The following CELF4 variants were observed in gnomAD, a reference collection of about 807,000 sequenced individuals.
CELF4 encodes CUG-BP- and ETR-3-like factor 4.
Under a neutral mutation model 59.9 loss-of-function variants are expected in CELF4, and 18 were observed. That is an observed-to-expected ratio of 0.30 (90% CI 0.21 to 0.45). The LOEUF (loss-of-function observed/expected upper bound fraction) is 0.45. Ranked by LOEUF, CELF4 falls within the 20% of genes least tolerant of loss-of-function variation. CELF4 has a pLI of 1.00. For synonymous variants in CELF4, 261 were observed against 267.1 expected (o/e 0.98, Z 0.22); for missense variants, 456 against 689.0 (o/e 0.66, Z 3.79).
chr18:37,284,964 A>G (rs1257128281), intron 3 of CELF4, among the ~76,000 whole-genome samples: 1 of 152,122 alleles, frequency 6.6e-6, no homozygotes, highest in East Asian at 1.9e-4. Flanking sequence ...CAGGCAGAGG[A>G]GGGTACCGCC....
intron 3 of CELF4, among the ~76,000 whole-genome samples, chr18:37,314,730 G>A (rs555570688): frequency 6.6e-6 from 1 of 151,492 alleles, no homozygotes; most frequent in African/African-American, 2.5e-5. Context: ...TGCAGCTTGT[G>A]GGGGGAACAA....
At chr18:37,275,373 G>C (rs1417560565) in intron 3 of CELF4, 130 bp from the exon 4 acceptor site, 1 of 866,956 alleles carries the variant, frequency 1.2e-6, no homozygotes, top group South Asian at 1.8e-5. Context: ...CGGAGCCGGC[G>C]GGGGAGAGGT....
chr18:37,438,404 C>G (rs1005570287), intron 2 of CELF4, among the ~76,000 whole-genome samples: 1 of 152,092 alleles, frequency 6.6e-6, no homozygotes, highest in African/African-American at 2.4e-5. Flanking sequence ...GATCCTGTGC[C>G]CAGGATGCTG....
At chr18:37,322,529 G>A (rs2097158900) in intron 2 of CELF4, among the ~76,000 whole-genome samples, 3 of 152,190 alleles carry the variant, frequency 2.0e-5, no homozygotes, top group Non-Finnish European at 4.4e-5. Flanking sequence ...GTGCCAGGAG[G>A]ACAGGAGAGC....
intron 3 of CELF4, among the ~76,000 whole-genome samples, chr18:37,284,101 C>A (rs1440113890): frequency 2.0e-5 from 3 of 149,210 alleles, no homozygotes; most frequent in Admixed American, 6.7e-5. Flanking sequence ...ATACACACAC[C>A]AATATGCACA....
At chr18:37,502,122 C>T (rs994143935) in intron 1 of CELF4, among the ~76,000 whole-genome samples, 1 of 152,230 alleles carries the variant, frequency 6.6e-6, no homozygotes, top group East Asian at 1.9e-4. Flanking sequence ...CTAAATATAG[C>T]GGTTGAGATG....
chr18:37,521,537 G>A (rs1162934625), intron 1 of CELF4, among the ~76,000 whole-genome samples: 4 of 152,140 alleles, frequency 2.6e-5, no homozygotes, highest in Non-Finnish European at 4.4e-5. Context: ...TGTCCTCTAC[G>A]TGCACCATTA....
intron 11 of CELF4, among the ~76,000 whole-genome samples, chr18:37,257,677 C>T (rs542889383): frequency 5.3e-4 from 81 of 152,288 alleles, no homozygotes; most frequent in Admixed American, 4.6e-4. Flanking sequence ...CTCCACCACC[C>T]CCAAGCTGTG....
chr18:37,319,444 A>G (rs1192832009), intron 3 of CELF4, among the ~76,000 whole-genome samples: 1 of 152,238 alleles, frequency 6.6e-6, no homozygotes, highest in Non-Finnish European at 1.5e-5. Flanking sequence ...CCCTTCAGGC[A>G]GCCCCAAGAC....
chr18:37,526,596 A>G (rs2099964056), intron 1 of CELF4, among the ~76,000 whole-genome samples: 1 of 152,208 alleles, frequency 6.6e-6, no homozygotes, highest in Non-Finnish European at 1.5e-5. Flanking sequence ...TGCTATAAGA[A>G]TGATGTTTTA....
At chr18:37,512,794 C>T (rs185932869) in intron 1 of CELF4, among the ~76,000 whole-genome samples, 18 of 152,038 alleles carry the variant, frequency 1.2e-4, no homozygotes, top group African/African-American at 4.3e-4. Flanking sequence ...TATACTTTCT[C>T]CTCTACTTTC....
At chr18:37,355,411 G>A (rs759262580) in intron 2 of CELF4, among the ~76,000 whole-genome samples, 2 of 152,106 alleles carry the variant, frequency 1.3e-5, no homozygotes, top group African/African-American at 2.4e-5. Flanking sequence ...AGTGGCTAAC[G>A]TCTGTAATCC....
chr18:37,529,839 C>A (rs116059207), intron 1 of CELF4, among the ~76,000 whole-genome samples: 1 of 152,290 alleles, frequency 6.6e-6, no homozygotes, highest in South Asian at 2.1e-4. Flanking sequence ...GAAAAATGTA[C>A]GTGCCTGGAC....
intron 2 of CELF4, among the ~76,000 whole-genome samples, chr18:37,419,041 T>C (rs2099551756): frequency 6.6e-6 from 1 of 152,206 alleles, no homozygotes; most frequent in Admixed American, 6.5e-5. Flanking sequence ...CTGGTATGGC[T>C]GGAGCTGGGG....
At chr18:37,415,235 C>T (rs532803252) in intron 2 of CELF4, among the ~76,000 whole-genome samples, 67 of 152,360 alleles carry the variant, frequency 4.4e-4, no homozygotes, top group African/African-American at 1.5e-3. Flanking sequence ...GGGGCCCTCT[C>T]TGTGGTGGCC....
At chr18:37,261,401 C>G (rs575930155) in intron 10 of CELF4, among the ~76,000 whole-genome samples, 4 of 152,320 alleles carry the variant, frequency 2.6e-5, no homozygotes, top group South Asian at 4.1e-4. Context: ...AGATAAGGAG[C>G]CTTCACAGAC....
chr18:37,543,466 C>CT (rs1371950987), intron 1 of CELF4, among the ~76,000 whole-genome samples: 1 of 152,108 alleles, frequency 6.6e-6, no homozygotes, highest in African/African-American at 2.4e-5. Context: ...TTGGGCATGG[C>CT]TTTTTTTGTG....
rs1406176161 is a variant in CELF4, at chr18:37,470,871, T to TGAGA, written c.369+14653_369+14654insTCTC. Among the ~76,000 whole-genome samples, 64 of 117,112 alleles carry TGAGA rather than the reference T, an allele frequency of 5.5e-4. 1 individual carries two copies. The highest frequency in any genetic ancestry group is 8.3e-4 in the Non-Finnish European group (47 of 56,656). The allele number at this position is 117,112 out of a possible 152,430, so 76.8% of individuals were successfully genotyped here. The stretch of plus-strand genomic sequence containing the variant: ...GTGTGTGTGTGTGTGTGTGTGTGTG[T>TGAGA]GTGTGTGTGTGTGTGTGACAGAGAG... On this transcript the variant is annotated intron_variant, in intron 2 of 12. Coordinates refer to ENST00000420428, the MANE Select transcript of CELF4 (RefSeq NM_020180.4).
intron 1 of CELF4, among the ~76,000 whole-genome samples, chr18:37,564,622 G>A (rs1026030962): frequency 6.6e-6 from 1 of 152,022 alleles, no homozygotes; most frequent in Admixed American, 6.5e-5. Context: ...CCAAAGCCCC[G>A]CTTTCCTGGG....
Sources: allele counts gnomAD v4.1 joint callset (sites outside exome capture counted in the v4.1 genomes callset), GRCh38; gene constraint gnomAD v4.1.1; transcripts MANE v1.5; gene names NCBI Gene and HGNC (gene_info 2026-07-23, HGNC 2026-07-21).